SLC9A9: variants seen among roughly 807,000 people sequenced by gnomAD.
The protein encoded by SLC9A9 is sodium/hydrogen exchanger 9.
Under a neutral mutation model 77.8 loss-of-function variants are expected in SLC9A9, and 62 were observed. The ratio of observed to expected loss-of-function variants is 0.80; its 90% CI spans 0.65 to 0.98. The LOEUF is 0.98. Among genes scored for constraint, SLC9A9 ranks in the 50% least tolerant of loss-of-function variants. The probability of loss-of-function intolerance (pLI) is 0.00; values close to 1 mark genes in which losing one functional copy is unlikely to be tolerated. For synonymous variants in SLC9A9, 320 were observed against 283.5 expected (o/e 1.13, Z -1.29); for missense variants, 775 against 774.9 (o/e 1.00, Z 0.00).
intron 5 of SLC9A9, among the ~76,000 whole-genome samples, chr3:143,661,652 T>C (rs796760291): frequency 6.6e-5 from 10 of 152,272 alleles, no homozygotes; most frequent in African/African-American, 2.4e-4. Context: ...ACTTGAGTAA[T>C]TTCATCAACA....
intron 8 of SLC9A9, among the ~76,000 whole-genome samples, chr3:143,571,815 G>A (rs755051614): frequency 6.6e-6 from 1 of 152,184 alleles, no homozygotes; most frequent in Non-Finnish European, 1.5e-5. Context: ...CCTGTGATGT[G>A]CATGGCTTAT....
At position 143,773,861 on chromosome 3, in the gene SLC9A9, G is replaced by C. The variant is rs534671681; in HGVS notation, c.533+21140C>G. Reference sequence around the variant, plus strand: ...CATTAACCATTAGGTCTCATGAGTGGTACAAGCCATTTCCAGTGTGAGGTT... The same window carrying C: ...CATTAACCATTAGGTCTCATGAGTGCTACAAGCCATTTCCAGTGTGAGGTT... On this transcript the variant is annotated intron_variant, in intron 4 of 15. Transcript: ENST00000316549. Among the ~76,000 whole-genome samples, 780 of 152,234 alleles carry C rather than the reference G, an allele frequency of 5.1e-3. 2 individuals carry two copies. Among genetic ancestry groups the C allele is most frequent in the Non-Finnish European group, 8.8e-3 (600 of 68,000 alleles).
At chr3:143,833,086 T>C (rs1479319082) in intron 1 of SLC9A9, among the ~76,000 whole-genome samples, 1 of 152,188 alleles carries the variant, frequency 6.6e-6, no homozygotes, top group Non-Finnish European at 1.5e-5. Flanking sequence ...CTGTGGGCTT[T>C]TTAAATGTAG....
intron 14 of SLC9A9, among the ~76,000 whole-genome samples, chr3:143,350,454 G>T (rs1451060297): frequency 5.9e-5 from 9 of 152,090 alleles, no homozygotes; most frequent in Non-Finnish European, 5.9e-5. Flanking sequence ...AATCTTTTCA[G>T]ATTTCCGTGA....
At chr3:143,268,428 T>C (rs1578249584) in intron 15 of SLC9A9, among the ~76,000 whole-genome samples, 1 of 152,246 alleles carries the variant, frequency 6.6e-6, no homozygotes, top group Non-Finnish European at 1.5e-5. Context: ...GTGCAGTGAA[T>C]TTTTAAAAAA....
chr3:143,686,813 T>C (rs952948183), intron 5 of SLC9A9, among the ~76,000 whole-genome samples: 2 of 152,194 alleles, frequency 1.3e-5, no homozygotes, highest in African/African-American at 4.8e-5. Flanking sequence ...AAATGAGAGC[T>C]GTTAAACGAA....
chr3:143,479,161 G>A (rs1171215279), intron 11 of SLC9A9, among the ~76,000 whole-genome samples: 1 of 152,206 alleles, frequency 6.6e-6, no homozygotes, highest in Non-Finnish European at 1.5e-5. Context: ...AGCAGATTGT[G>A]ACAATTTATA....
chr3:143,369,913 A>G (rs1576453340), intron 13 of SLC9A9, among the ~76,000 whole-genome samples: 1 of 152,328 alleles, frequency 6.6e-6, no homozygotes, highest in South Asian at 2.1e-4. Flanking sequence ...TGTGGAAAGG[A>G]ATTAAGTATG....
intron 12 of SLC9A9, among the ~76,000 whole-genome samples, chr3:143,392,142 A>G (rs1040956020): frequency 6.6e-6 from 1 of 152,226 alleles, no homozygotes; most frequent in Non-Finnish European, 1.5e-5. Flanking sequence ...TCCAAGACAC[A>G]TAATTGTCAT....
At position 143,846,126 on chromosome 3, in the gene SLC9A9, G is replaced by C. The variant is rs561260178; in HGVS notation, c.175+2022C>G. 9.2e-5 allele frequency among the ~76,000 whole-genome samples: 14 copies of C among 152,292 alleles called. No homozygotes were observed. In the East Asian group the frequency reaches 2.7e-3, roughly 29 times the overall value. ...TTCAGATTCAAAAGTAAGAGTTACT[G>C]TATGTATTGTGAATGCAAAACATGA... On this transcript the variant is annotated intron_variant, in intron 1 of 15. Transcript: ENST00000316549.
chr3:143,403,969 TG>T (rs2033915215), intron 12 of SLC9A9, among the ~76,000 whole-genome samples: 1 of 152,150 alleles, frequency 6.6e-6, no homozygotes, highest in Non-Finnish European at 1.5e-5. Context: ...GTGTTCCAAA[TG>T]GTATCTCAGA....
At chr3:143,820,701 C>T (rs1235294952) in intron 2 of SLC9A9, among the ~76,000 whole-genome samples, 1 of 152,196 alleles carries the variant, frequency 6.6e-6, no homozygotes, top group African/African-American at 2.4e-5. Context: ...GGTCCTGCGT[C>T]TCACCAAGAG....
chr3:143,533,054 G>A (rs987562233), intron 9 of SLC9A9, among the ~76,000 whole-genome samples: 2 of 152,202 alleles, frequency 1.3e-5, no homozygotes, highest in African/African-American at 2.4e-5. Flanking sequence ...GCCCATGGAG[G>A]TTTTCACTAA....
intron 14 of SLC9A9, among the ~76,000 whole-genome samples, chr3:143,310,096 G>T (rs1024160794): frequency 3.3e-5 from 5 of 152,126 alleles, no homozygotes; most frequent in African/African-American, 1.2e-4. Context: ...TAATTTTTAG[G>T]CTTGCTCTTA....
chr3:143,538,159 C>A (rs2108627520), intron 9 of SLC9A9, among the ~76,000 whole-genome samples: 1 of 152,270 alleles, frequency 6.6e-6, no homozygotes, highest in South Asian at 2.1e-4. Context: ...ACAAACAGCC[C>A]AGAAATTACA....
intron 6 of SLC9A9, among the ~76,000 whole-genome samples, chr3:143,612,408 G>A (rs2108700725): frequency 6.6e-6 from 1 of 152,238 alleles, no homozygotes; most frequent in South Asian, 2.1e-4. Context: ...TCACTTGTGG[G>A]ATAACCCTAA....
chr3:143,723,040 G>A (rs1452359694), intron 4 of SLC9A9, among the ~76,000 whole-genome samples: 2 of 151,948 alleles, frequency 1.3e-5, no homozygotes, highest in Admixed American at 6.6e-5. Context: ...CCTGACTATA[G>A]TTTGATAATT....
intron 6 of SLC9A9, among the ~76,000 whole-genome samples, chr3:143,611,888 C>A (rs1220390953): frequency 1.3e-5 from 2 of 152,134 alleles, no homozygotes; most frequent in Non-Finnish European, 2.9e-5. Context: ...AACACACCAC[C>A]ATACCTGGCT....
In SLC9A9 at chr3:143,292,334, G is replaced by A. The variant is rs114889158; in HGVS notation, c.1605-23354C>T. Among the ~76,000 whole-genome samples, 1,425 of 152,298 alleles carry A rather than the reference G, an allele frequency of 9.4e-3. 21 individuals are homozygous for A. Among genetic ancestry groups the A allele is most frequent in the African/African-American group, 0.032 (1,337 of 41,558 alleles). On this transcript the variant is annotated intron_variant, in intron 14 of 15. Transcript: ENST00000316549. ...TGAAACACTTTTGGTTTTCAGGACT[G>A]TTTGGATTTCTGAACTACAGATAAC... is the stretch of plus-strand genomic sequence containing the variant.
Sources: gnomAD v4.1 joint callset for allele counts (sites outside exome capture counted in the v4.1 genomes callset) on GRCh38, gnomAD v4.1.1 for gene constraint, MANE v1.5 for transcripts, NCBI Gene and HGNC (gene_info 2026-07-23, HGNC 2026-07-21) for gene names.